Variants in IPO9 observed in about 807,000 individuals in gnomAD.
IPO9 encodes the protein importin-9.
IPO9 carries 28 observed loss-of-function variants against 128.6 expected under a neutral mutation model. The ratio of observed to expected loss-of-function variants is 0.22; its 90% CI spans 0.16 to 0.30. The LOEUF is 0.30. Among genes scored for constraint, IPO9 ranks in the 10% least tolerant of loss-of-function variants. The pLI is 1.00. For synonymous variants in IPO9, 455 were observed against 475.8 expected (o/e 0.96, Z 0.57); for missense variants, 935 against 1,293.9 (o/e 0.72, Z 4.26).
chr1:201,847,243 A>G (rs779469167), intron 1 of IPO9, 36 bp from the exon 2 acceptor site: 7 of 1,501,294 alleles, frequency 4.7e-6, no homozygotes, highest in Non-Finnish European at 9.3e-7. Context: ...TGGCTTTCCT[A>G]GGTACTCTTA....
intron 1 of IPO9, among the ~76,000 whole-genome samples, chr1:201,838,386 G>A (rs777138166): frequency 2.0e-5 from 3 of 152,210 alleles, no homozygotes; most frequent in Non-Finnish European, 4.4e-5. Flanking sequence ...TCCAAGAGAT[G>A]TTCCTGAATT....
intron 20 of IPO9, 42 bp downstream of exon 20, chr1:201,873,003 A>T (rs775766941): frequency 1.3e-6 from 2 of 1,569,800 alleles, no homozygotes; most frequent in Non-Finnish European, 1.7e-6. Flanking sequence ...CCCTATACGA[A>T]GGGGCTAAGG....
intron 13 of IPO9, among the ~76,000 whole-genome samples, chr1:201,859,906 C>G (rs535374400): frequency 1.3e-5 from 2 of 151,628 alleles, no homozygotes; most frequent in African/African-American, 4.8e-5. Context: ...TTGCAGAGAA[C>G]TGAGATCACA....
chr1:201,838,484 A>G (rs746600350), intron 1 of IPO9, among the ~76,000 whole-genome samples: 13 of 152,204 alleles, frequency 8.5e-5, no homozygotes, highest in Non-Finnish European at 1.6e-4. Flanking sequence ...TTCTCTTGCT[A>G]CAAATGGGTT....
chr1:201,851,078 C>T (rs994419619), intron 4 of IPO9, among the ~76,000 whole-genome samples: 1 of 152,032 alleles, frequency 6.6e-6, no homozygotes. Context: ...TACAGTGGCA[C>T]TGTTGTAGCT....
At position 201,877,487 on chromosome 1, in the gene IPO9, TCACACACACACACACA is replaced by T. The variant is rs72022508; in HGVS notation, c.*1444_*1459del. On this transcript the variant is annotated 3_prime_UTR_variant, in exon 24 of 24. Transcript: ENST00000361565. ...CGTTGCATTCCAAGGCAAGACTCAA[TCACACACACACACACA>T]CACACACACAAATCATGGGGAGAAA... The T allele has an allele frequency of 3.3e-5, 5 of 149,998 alleles. No individual in the cohort carries two copies. The highest frequency in any genetic ancestry group is 4.9e-5 in the African/African-American group (2 of 40,710). 9.3% of individuals were successfully genotyped at this position (149,998 alleles called of 1,614,324 possible).
rs1306365581 is a variant in IPO9 at position 201,866,796 on chromosome 1, C to A, written c.1692C>A (p.Ile564=). The change falls in exon 15 of 24, where the codon ATC becomes ATA. Residue 564 remains isoleucine (I), a synonymous_variant. Coordinates refer to ENST00000361565, the MANE Select transcript of IPO9 (RefSeq NM_018085.5). ...TGCTCCAGCCCTTCCTCCCCAGCAT[C>A]CTTGATGGCTTAATTCACCTAGCAG... ...THVLQPFLPS[I]LDGLIHLAAQ... The A allele has an allele frequency of 6.2e-7, 1 of 1,614,160 alleles. No individual in the cohort carries two copies. The highest frequency in any genetic ancestry group is 8.5e-7 in the Non-Finnish European group (1 of 1,180,026).
intron 15 of IPO9, 123 bp downstream of exon 15, chr1:201,867,082 C>G (rs1680567503): frequency 5.1e-6 from 4 of 785,678 alleles, no homozygotes; most frequent in African/African-American, 1.7e-5. Flanking sequence ...ACATCGTAAG[C>G]AAAGAATCTG....
Position 201,878,703 on chromosome 1 carries a change from C to T in IPO9, c.*2649C>T, listed in dbSNP as rs1221790943. The T allele has an allele frequency of 1.3e-5, 2 of 152,162 alleles. No homozygotes were observed. Among genetic ancestry groups the T allele is most frequent in the African/African-American group, 4.8e-5 (2 of 41,420 alleles). The allele number at this position is 152,162 out of a possible 1,614,324, so 9.4% of individuals were successfully genotyped here. ...CCAGTGCATTTTCATATACATTATC[C>T]CATTTAACCTTTATAACAGGTTCAC... On this transcript the variant is annotated 3_prime_UTR_variant, in exon 24 of 24. Transcript: ENST00000361565.
chr1:201,876,293 T>C lies in IPO9; in HGVS notation c.*239T>C, dbSNP rs184799414. On this transcript the variant is annotated 3_prime_UTR_variant, in exon 24 of 24. Transcript: ENST00000361565. ...CTGAAGACATGCCATCTCTAGAACC[T>C]TTTTTCTCCCCGACTCTACCCCCAC... The C allele has an allele frequency of 1.4e-4, 85 of 628,174 alleles. No individual in the cohort carries two copies. The highest frequency in any genetic ancestry group is 2.1e-4 in the Non-Finnish European group (72 of 337,420). 38.9% of individuals were successfully genotyped at this position (628,174 alleles called of 1,614,324 possible).
chr1:201,832,103 T>C (rs1679847020), intron 1 of IPO9, among the ~76,000 whole-genome samples: 1 of 151,400 alleles, frequency 6.6e-6, no homozygotes, highest in Non-Finnish European at 1.5e-5. Flanking sequence ...GGTTTCACCA[T>C]GTTGGCCAGG....
In IPO9 at chr1:201,869,703, C is replaced by G. The variant is rs1680613462; in HGVS notation, c.2118C>G (p.Asp706Glu). The G allele has an allele frequency of 2.5e-6, 4 of 1,614,154 alleles. No individual in the cohort carries two copies. The highest frequency in any genetic ancestry group is 3.4e-6 in the Non-Finnish European group (4 of 1,180,004). The change falls in exon 17 of 24, where the codon GAC (aspartate) becomes GAG (glutamate). Residue 706 changes from aspartate (D) to glutamate (E), a missense_variant. Physicochemically the swap from Asp to Glu is conservative, Grantham distance 45 (BLOSUM62 2). Around this residue, in one of 3 missense-constraint regions of IPO9, gnomAD observed 741 missense variants for 1,019.1 expected, o/e 0.73. Transcript: ENST00000361565. The stretch of plus-strand genomic sequence containing the variant: ...CACAGTGTACCCTTCACACAGATGA[C>G]AATGCCACCATGCAGGTATCTGAGA... ...AVAQCTLHTDDNATMQNGGEC... is the reference protein window; with the variant it reads ...AVAQCTLHTDENATMQNGGEC...
At chr1:201,857,688 G>C (rs562799510) in intron 11 of IPO9, among the ~76,000 whole-genome samples, 1 of 151,894 alleles carries the variant, frequency 6.6e-6, no homozygotes, top group African/African-American at 2.4e-5. Context: ...CCAGCTACTC[G>C]GGAGGCTGAC....
chr1:201,847,208 A>T, intron 1 of IPO9, 71 bp from the exon 2 acceptor site: 1 of 1,055,354 alleles, frequency 9.5e-7, no homozygotes. Context: ...TGTTGGCATC[A>T]GGGTTAGAGC....
At chr1:201,869,155 G>A (rs1381658108) in intron 16 of IPO9, among the ~76,000 whole-genome samples, 3 of 152,174 alleles carry the variant, frequency 2.0e-5, no homozygotes, top group African/African-American at 7.2e-5. Context: ...AGAGGCTGAG[G>A]CAGGAGAATC....
intron 13 of IPO9, 105 bp from the exon 14 acceptor site, chr1:201,863,343 C>G: frequency 8.6e-7 from 1 of 1,165,136 alleles, no homozygotes; most frequent in Non-Finnish European, 1.2e-6. Flanking sequence ...CAGAGTGAGA[C>G]TCCATCTCAA....
intron 1 of IPO9, among the ~76,000 whole-genome samples, chr1:201,832,207 TTA>T (rs950583209): frequency 6.6e-6 from 1 of 151,884 alleles, no homozygotes; most frequent in Non-Finnish European, 1.5e-5. Flanking sequence ...AGCCCACATT[TTA>T]GTTTTACCCT....
rs751704245 is a variant in IPO9, at chr1:201,829,169, C to G, written c.-41C>G. The G allele has an allele frequency of 7.0e-6, 10 of 1,432,404 alleles. No individual in the cohort carries two copies. Among genetic ancestry groups the G allele is most frequent in the Non-Finnish European group, 9.1e-6 (10 of 1,094,764 alleles). 88.7% of individuals were successfully genotyped at this position (1,432,404 alleles called of 1,614,324 possible). A position where few individuals can be genotyped will look rare whatever the true frequency, so the allele number is the denominator to read the frequency against. On this transcript the variant is annotated 5_prime_UTR_variant, in exon 1 of 24. Transcript: ENST00000361565. ...GCGCGCGGGGGCCGTCATTCGGTGG[C>G]GGGTCCCGGCCGCGGGGCTGGCGGG...
chr1:201,865,326 A>G (rs1571553105), intron 14 of IPO9, among the ~76,000 whole-genome samples: 1 of 149,642 alleles, frequency 6.7e-6, no homozygotes, highest in African/African-American at 2.5e-5. Context: ...CTCCTGCTTC[A>G]GCCTCCCCAG....
Sources: allele counts gnomAD v4.1 joint callset (sites outside exome capture counted in the v4.1 genomes callset), GRCh38; gene constraint gnomAD v4.1.1; regional missense constraint gnomAD v4.1.1; transcripts MANE v1.5; gene names NCBI Gene and HGNC (gene_info 2026-07-23, HGNC 2026-07-21).